Variants in CCDC141 observed in about 807,000 individuals in gnomAD.
The protein encoded by CCDC141 is coiled-coil domain containing 141, also known as coiled-coil domain-containing protein 141.
In CCDC141, 168 loss-of-function variants were observed where a neutral mutation model predicts 181.0. The ratio of observed to expected loss-of-function variants is 0.93; its 90% CI spans 0.82 to 1.05. CCDC141 has a LOEUF of 1.05. Ranked by LOEUF, CCDC141 falls within the 50% of genes least tolerant of loss-of-function variation. The pLI, the probability that CCDC141 is intolerant of heterozygous loss-of-function variation, is 0.00. For missense variants in CCDC141, 1,902 were observed against 1,788.5 expected, an observed-to-expected ratio of 1.06 and a Z score of -1.14; for synonymous variants, 666 against 642.3, an observed-to-expected ratio of 1.04 and a Z score of -0.56.
intron 6 of CCDC141, among the ~76,000 whole-genome samples, chr2:178,923,781 C>A (rs897107659): frequency 6.6e-6 from 1 of 152,114 alleles, no homozygotes; most frequent in African/African-American, 2.4e-5. Flanking sequence ...CAGTAGGAAC[C>A]TTTTTAACTG....
At chr2:178,940,680 G>A (rs1689472832) in intron 6 of CCDC141, among the ~76,000 whole-genome samples, 1 of 152,144 alleles carries the variant, frequency 6.6e-6, no homozygotes, top group South Asian at 2.1e-4. Context: ...AACCTAAAAG[G>A]ATGCTTCTTC....
rs751828655 is a variant in CCDC141, at chr2:178,837,569, G to A, written c.3650C>T (p.Pro1217Leu). ...ECVSPDDISL[P>L]PLPGSPESPL... Reference sequence around the variant, plus strand: ...GGACTCAGGGCTTCCTGGGAGAGGAGGCAAGGAGATGTCATCAGGTGAGAC... The same window carrying A: ...GGACTCAGGGCTTCCTGGGAGAGGAAGCAAGGAGATGTCATCAGGTGAGAC... Residue 1217 changes from proline (P) to leucine (L), a missense_variant, in exon 23 of 24, where the codon CCT becomes CTT. Physicochemically the swap from Pro to Leu is moderately conservative, Grantham distance 98. Coordinates refer to ENST00000443758, the MANE Select transcript of CCDC141 (RefSeq NM_173648.4). 3.7e-6 allele frequency: 6 copies of A among 1,613,890 alleles called. No individual in the cohort carries two copies. The highest frequency in any genetic ancestry group is 5.1e-6 in the Non-Finnish European group (6 of 1,179,884).
At chr2:179,002,756 A>G (rs1469823843) in intron 2 of CCDC141, 1 of 154,402 alleles carries the variant, frequency 6.5e-6, no homozygotes, top group Non-Finnish European at 1.4e-5. Context: ...TCTACTTCTG[A>G]GTCCAGTCAA....
chr2:178,832,189 C>T lies in CCDC141; in HGVS notation c.*1984G>A, dbSNP rs894272141. 1 of 152,052 alleles carries T rather than the reference C, an allele frequency of 6.6e-6. No homozygotes were observed. The highest frequency in any genetic ancestry group is 2.4e-5 in the African/African-American group (1 of 41,412). 9.4% of individuals were successfully genotyped at this position (152,052 alleles called of 1,614,324 possible). A position where few individuals can be genotyped will look rare whatever the true frequency, so the allele number is the denominator to read the frequency against. Reference sequence around the variant, plus strand: ...TTCAACGTGGGCAACAGCAGTTAGGCAAGATTCACACATTATTTGAAATTG... The same window carrying T: ...TTCAACGTGGGCAACAGCAGTTAGGTAAGATTCACACATTATTTGAAATTG... On this transcript the variant is annotated 3_prime_UTR_variant, in exon 24 of 24. Coordinates refer to ENST00000443758, the MANE Select transcript of CCDC141 (RefSeq NM_173648.4).
Position 178,837,775 on chromosome 2 carries a change from T to C in CCDC141, c.3475-31A>G, listed in dbSNP as rs1488466047. 2.6e-6 allele frequency: 4 copies of C among 1,556,836 alleles called. No individual in the cohort carries two copies. In the South Asian group the frequency reaches 3.7e-5, roughly 14 times the overall value. On this transcript the variant is annotated intron_variant, in intron 22 of 23. Coordinates refer to ENST00000443758, the MANE Select transcript of CCDC141 (RefSeq NM_173648.4). ...AAAAAGAAAAGCCAAATCATCCTTA[T>C]TCATTCATTTTTCTTTTTCCAGTTT...
chr2:178,982,123 A>T (rs1196635091), intron 2 of CCDC141, among the ~76,000 whole-genome samples: 1 of 152,146 alleles, frequency 6.6e-6, no homozygotes, highest in Non-Finnish European at 1.5e-5. Context: ...ACAAGCCTAT[A>T]TCTATTAAAA....
At chr2:179,005,268 C>T (rs938572623) in intron 2 of CCDC141, among the ~76,000 whole-genome samples, 35 of 151,870 alleles carry the variant, frequency 2.3e-4, no homozygotes, top group Admixed American at 6.5e-4. Flanking sequence ...TCCACAAAAA[C>T]TCATTCATAG....
intron 6 of CCDC141, among the ~76,000 whole-genome samples, chr2:178,944,032 C>A (rs1316378795): frequency 1.3e-5 from 2 of 152,120 alleles, no homozygotes; most frequent in Non-Finnish European, 2.9e-5. Context: ...ATAGTGACAT[C>A]TCAGTGTAGA....
chr2:179,035,060 C>G (rs569468926), intron 2 of CCDC141, among the ~76,000 whole-genome samples: 1 of 152,176 alleles, frequency 6.6e-6, no homozygotes, highest in African/African-American at 2.4e-5. Flanking sequence ...AACTAAATAC[C>G]CTATTTTCCA....
At chr2:178,988,985 C>G (rs1691896193) in intron 2 of CCDC141, among the ~76,000 whole-genome samples, 1 of 152,054 alleles carries the variant, frequency 6.6e-6, no homozygotes, top group Non-Finnish European at 1.5e-5. Context: ...ACCTTTCATA[C>G]CATATAAAAA....
At chr2:178,938,645 C>A (rs1414542782) in intron 6 of CCDC141, among the ~76,000 whole-genome samples, 3 of 152,054 alleles carry the variant, frequency 2.0e-5, no homozygotes, top group Non-Finnish European at 4.4e-5. Flanking sequence ...TATTAAATAT[C>A]TTTGTTAATT....
chr2:178,884,277 C>A (rs1686770110), intron 11 of CCDC141, among the ~76,000 whole-genome samples: 1 of 148,872 alleles, frequency 6.7e-6, no homozygotes, highest in South Asian at 2.2e-4. Flanking sequence ...GGACCCCAAA[C>A]TCACTATGAC....
intron 2 of CCDC141, among the ~76,000 whole-genome samples, chr2:179,041,491 G>GGTT (rs2043302044): frequency 3.4e-5 from 2 of 58,868 alleles, no homozygotes; most frequent in Non-Finnish European, 5.7e-5. Context: ...TTGGTTGTGG[G>GGTT]TTTTTTTTTT....
Position 178,961,210 on chromosome 2 carries a change from C to T in CCDC141, c.780+20G>A. 2 of 1,548,600 alleles carry T rather than the reference C, an allele frequency of 1.3e-6. No individual in the cohort carries two copies. Among genetic ancestry groups the T allele is most frequent in the Non-Finnish European group, 1.7e-6 (2 of 1,145,512 alleles). On this transcript the variant is annotated intron_variant, in intron 5 of 23. Transcript: ENST00000443758. Reference sequence around the variant, plus strand: ...TAATCAGCTGAGGCTGGAACATCATCCAATGCCCCTTTGGGTTACCTGGTT... The same window carrying T: ...TAATCAGCTGAGGCTGGAACATCATTCAATGCCCCTTTGGGTTACCTGGTT...
chr2:178,917,421 TA>T (rs1688500980), intron 7 of CCDC141, among the ~76,000 whole-genome samples: 1 of 152,214 alleles, frequency 6.6e-6, no homozygotes, highest in Non-Finnish European at 1.5e-5. Flanking sequence ...TTTTACTATT[TA>T]TTTTTTCAAA....
At chr2:178,918,246 C>T (rs1006836596) in intron 7 of CCDC141, among the ~76,000 whole-genome samples, 5 of 150,864 alleles carry the variant, frequency 3.3e-5, no homozygotes, top group Non-Finnish European at 7.4e-5. Flanking sequence ...CCTGTCTCTA[C>T]CAAAAAAAAA....
chr2:178,834,928 T>TTTTTGAA (rs1684416500), intron 23 of CCDC141, among the ~76,000 whole-genome samples: 1 of 151,786 alleles, frequency 6.6e-6, no homozygotes, highest in African/African-American at 2.4e-5. Context: ...CAGACAATGT[T>TTTTTGAA]TTTGGAAAAC....
At chr2:178,881,032 T>C (rs1213643504) in intron 11 of CCDC141, among the ~76,000 whole-genome samples, 1 of 152,002 alleles carries the variant, frequency 6.6e-6, no homozygotes, top group Non-Finnish European at 1.5e-5. Context: ...AAACCATAGG[T>C]AGGAATGTGG....
intron 7 of CCDC141, among the ~76,000 whole-genome samples, chr2:178,914,751 T>C (rs917354875): frequency 1.3e-5 from 2 of 152,178 alleles, no homozygotes; most frequent in African/African-American, 4.8e-5. Flanking sequence ...AATAAATATA[T>C]ACTAAATAAG....
Sources: allele counts gnomAD v4.1 joint callset (sites outside exome capture counted in the v4.1 genomes callset), GRCh38; gene constraint gnomAD v4.1.1; transcripts MANE v1.5; gene names NCBI Gene and HGNC (gene_info 2026-07-23, HGNC 2026-07-21).